GLI2: variants seen among roughly 807,000 people sequenced by gnomAD.
The protein encoded by GLI2 is GLI family zinc finger 2, also known as transcription activator GLI2.
A neutral mutation model predicts 78.9 loss-of-function variants in GLI2; 22 were observed. That is an observed-to-expected ratio of 0.28 (90% confidence interval 0.20 to 0.40). The LOEUF (loss-of-function observed/expected upper bound fraction) is 0.40, where lower values mean the gene tolerates loss of function less well. Among genes scored for constraint, GLI2 ranks in the 10% least tolerant of loss-of-function variants. The pLI is 1.00. For missense variants in GLI2, 2,097 were observed against 2,213.2 expected (o/e 0.95, Z 1.05); for synonymous variants, 974 against 963.7 (o/e 1.01, Z -0.20).
At chr2:120,863,383 C>T (rs1687988245) in intron 2 of GLI2, among the ~76,000 whole-genome samples, 1 of 152,234 alleles carries the variant, frequency 6.6e-6, no homozygotes, top group Non-Finnish European at 1.5e-5. Flanking sequence ...CACCCCACAC[C>T]TGTGATTGCA....
intron 3 of GLI2, among the ~76,000 whole-genome samples, chr2:120,950,803 C>T (rs904331609): frequency 9.2e-5 from 14 of 152,240 alleles, no homozygotes; most frequent in African/African-American, 3.4e-4. Flanking sequence ...ATCCTGTTAG[C>T]AGTATGAGCT....
In GLI2 at chr2:120,989,720, C is replaced by G; in HGVS notation, c.3755C>G (p.Ser1252Cys). Residue 1252 changes from serine to cysteine, a missense_variant, in exon 14 of 14, where the codon TCC (serine) becomes TGC (cysteine). By Grantham distance (112) the Ser-to-Cys change is moderately radical (BLOSUM62 -1). Around this residue, in one of 5 missense-constraint regions of GLI2, gnomAD observed 1,290 missense variants for 1,261.7 expected, o/e 1.02. Coordinates refer to ENST00000361492, the MANE Select transcript of GLI2 (RefSeq NM_001374353.1). The part of the protein sequence containing the change: ...ISGALNQFPQ[S>C]CSNMPAKPGH... ...GGGGCCCTCAACCAGTTCCCCCAATCCTGCAGCAACATGCCAGCCAAGCCA... is the reference window on the plus strand; with the variant it reads ...GGGGCCCTCAACCAGTTCCCCCAATGCTGCAGCAACATGCCAGCCAAGCCA... The G allele has an allele frequency of 5.6e-6, 9 of 1,613,176 alleles. No individual in the cohort carries two copies. The highest frequency in any genetic ancestry group is 7.6e-6 in the Non-Finnish European group (9 of 1,179,974).
At chr2:120,801,534 C>T in intron 2 of GLI2, among the ~76,000 whole-genome samples, 1 of 152,320 alleles carries the variant, frequency 6.6e-6, no homozygotes, top group Middle Eastern at 3.4e-3. Context: ...GAATGGAACA[C>T]GATGTAGCCA....
intron 1 of GLI2, among the ~76,000 whole-genome samples, chr2:120,770,428 A>G (rs1256970204): frequency 2.0e-5 from 3 of 152,084 alleles, no homozygotes; most frequent in Non-Finnish European, 2.9e-5. Context: ...TGAGGGTGGG[A>G]GCAGTGTTTT....
intron 1 of GLI2, among the ~76,000 whole-genome samples, chr2:120,752,682 C>T (rs758889061): frequency 3.9e-5 from 6 of 152,140 alleles, no homozygotes; most frequent in Non-Finnish European, 5.9e-5. Flanking sequence ...GTACCACTGC[C>T]GTAGCCCAGC....
At chr2:120,798,499 G>C (rs770167651) in intron 2 of GLI2, among the ~76,000 whole-genome samples, 6 of 152,216 alleles carry the variant, frequency 3.9e-5, no homozygotes, top group Non-Finnish European at 8.8e-5. Flanking sequence ...CTGAGGGCCT[G>C]CGGGGGGTTG....
At chr2:120,818,186 T>A (rs1263710756) in intron 2 of GLI2, among the ~76,000 whole-genome samples, 2 of 152,148 alleles carry the variant, frequency 1.3e-5, no homozygotes, top group African/African-American at 2.4e-5. Flanking sequence ...GGAGCCCCGC[T>A]TTCATCCCCG....
chr2:120,741,397 GT>G (rs1410911574), intron 1 of GLI2, among the ~76,000 whole-genome samples: 2 of 151,784 alleles, frequency 1.3e-5, no homozygotes, highest in Non-Finnish European at 1.5e-5. Context: ...CGTCCTTTCT[GT>G]CTTTTTCTTT....
In GLI2 at chr2:120,982,840, C is replaced by T. The variant is rs1418648944; in HGVS notation, c.1592C>T (p.Ser531Leu). The T allele has an allele frequency of 1.2e-6, 2 of 1,613,988 alleles. No individual in the cohort carries two copies. The highest frequency in any genetic ancestry group is 1.7e-5 in the Admixed American group (1 of 59,996). ...TGCAACAAAGCCTTCTCCAACGCCT[C>T]GGACCGCGCCAAGCACCAGAATCGC... Reference protein sequence around the residue: ...EGCNKAFSNASDRAKHQNRTH... With the variant: ...EGCNKAFSNALDRAKHQNRTH... The change falls in exon 11 of 14, where the codon TCG (serine) becomes TTG (leucine). Residue 531 changes from serine to leucine, a missense_variant. Transcript: ENST00000361492.
intron 2 of GLI2, among the ~76,000 whole-genome samples, chr2:120,864,005 T>A (rs929190047): frequency 6.6e-6 from 1 of 152,110 alleles, no homozygotes; most frequent in African/African-American, 2.4e-5. Context: ...GGAGGGCGGC[T>A]GGAGAAGTAG....
intron 2 of GLI2, among the ~76,000 whole-genome samples, chr2:120,884,924 C>T (rs1368458802): frequency 6.6e-6 from 1 of 152,166 alleles, no homozygotes; most frequent in Non-Finnish European, 1.5e-5. Context: ...CCATTGCTGC[C>T]ATGGCGGGAG....
intron 2 of GLI2, among the ~76,000 whole-genome samples, chr2:120,924,542 T>TACAC (rs56852363): frequency 0.04 from 6,053 of 149,570 alleles, 335 homozygotes; most frequent in African/African-American, 0.12. Context: ...CATTTAGAAA[T>TACAC]ACACACACAC....
intron 2 of GLI2, among the ~76,000 whole-genome samples, chr2:120,841,216 C>T (rs1436938374): frequency 1.3e-5 from 2 of 152,192 alleles, no homozygotes; most frequent in African/African-American, 2.4e-5. Context: ...ATGAAGTGGT[C>T]GGTTTTCAGA....
At chr2:120,755,814 C>T (rs750916760) in intron 1 of GLI2, among the ~76,000 whole-genome samples, 1 of 151,754 alleles carries the variant, frequency 6.6e-6, no homozygotes, top group Admixed American at 6.6e-5. Flanking sequence ...TTGTTCCAGC[C>T]CCATTCGTTG....
At chr2:120,854,582 T>C (rs1166117786) in intron 2 of GLI2, among the ~76,000 whole-genome samples, 1 of 152,232 alleles carries the variant, frequency 6.6e-6, no homozygotes, top group Non-Finnish European at 1.5e-5. Flanking sequence ...TCGTGTTTCA[T>C]GTCACCCATT....
chr2:120,812,764 T>A (rs1222794515), intron 2 of GLI2, among the ~76,000 whole-genome samples: 1 of 152,176 alleles, frequency 6.6e-6, no homozygotes, highest in Non-Finnish European at 1.5e-5. Context: ...TTCCTGGAAC[T>A]TTTTCTCCTG....
chr2:120,784,848 G>T (rs1477002229), intron 1 of GLI2, among the ~76,000 whole-genome samples: 4 of 152,192 alleles, frequency 2.6e-5, no homozygotes, highest in Non-Finnish European at 5.9e-5. Flanking sequence ...CCTGCTAGGA[G>T]GCTTATTCTG....
At chr2:120,903,666 C>T (rs1431166923) in intron 2 of GLI2, among the ~76,000 whole-genome samples, 1 of 152,194 alleles carries the variant, frequency 6.6e-6, no homozygotes, top group Non-Finnish European at 1.5e-5. Flanking sequence ...AGAGCGGGTA[C>T]TGTGCAAGGT....
chr2:120,759,728 T>A (rs1415322963), intron 1 of GLI2, among the ~76,000 whole-genome samples: 1 of 152,124 alleles, frequency 6.6e-6, no homozygotes, highest in Non-Finnish European at 1.5e-5. Context: ...AACTTAACCT[T>A]CAGCCCCTGT....
Sources: gnomAD v4.1 joint callset for allele counts (sites outside exome capture counted in the v4.1 genomes callset) on GRCh38, gnomAD v4.1.1 for gene constraint, gnomAD v4.1.1 regional missense constraint, MANE v1.5 for transcripts, NCBI Gene and HGNC (gene_info 2026-07-23, HGNC 2026-07-21) for gene names.